Variants in KCNG3 observed in about 807,000 individuals in gnomAD.
KCNG3 encodes voltage-gated potassium channel regulatory subunit KCNG3.
A neutral mutation model predicts 29.0 loss-of-function variants in KCNG3; 15 were observed. The ratio of observed to expected loss-of-function variants is 0.52; its 90% CI spans 0.35 to 0.80. The LOEUF (loss-of-function observed/expected upper bound fraction) is 0.80. KCNG3 is among the 30% of genes least tolerant of loss of function. The pLI is 0.01. For synonymous variants in KCNG3, 322 were observed against 248.9 expected, an observed-to-expected ratio of 1.29 and a Z score of -2.76; for missense variants, 512 against 605.7, an observed-to-expected ratio of 0.85 and a Z score of 1.62.
the KCNG3 span, among the ~76,000 whole-genome samples, chr2:42,421,148 AC>A: frequency 6.6e-6 from 1 of 152,256 alleles, no homozygotes; most frequent in African/African-American, 2.4e-5. Context: ...GGGAAAAAGC[AC>A]AAAAGGAAAT....
downstream of KCNG3, among the ~76,000 whole-genome samples, chr2:42,440,130 C>A (rs531285711): frequency 6.6e-6 from 1 of 152,064 alleles, no homozygotes; most frequent in Non-Finnish European, 1.5e-5. Context: ...ATATTTGGAT[C>A]GGACAAAAGG....
intron 1 of KCNG3, among the ~76,000 whole-genome samples, chr2:42,473,794 A>T (rs746454759): frequency 6.6e-6 from 1 of 152,144 alleles, no homozygotes; most frequent in Non-Finnish European, 1.5e-5. Context: ...TTCAACACTT[A>T]TATTAGAAAA....
At chr2:42,411,087 T>C in the KCNG3 span, among the ~76,000 whole-genome samples, 1 of 152,220 alleles carries the variant, frequency 6.6e-6, no homozygotes, top group African/African-American at 2.4e-5. Flanking sequence ...TTAACATATA[T>C]AGATATTTTC....
At chr2:42,431,029 C>T in the KCNG3 span, among the ~76,000 whole-genome samples, 1 of 151,156 alleles carries the variant, frequency 6.6e-6, no homozygotes, top group Non-Finnish European at 1.5e-5. Flanking sequence ...TCACTTGAAC[C>T]CAGGAGGCAG....
the KCNG3 span, chr2:42,388,437 G>T: frequency 1.3e-5 from 2 of 152,164 alleles, no homozygotes; most frequent in South Asian, 4.1e-4. Context: ...ACAAGAAAAT[G>T]TACATACTCA....
At chr2:42,427,007 T>C in the KCNG3 span, among the ~76,000 whole-genome samples, 2 of 152,228 alleles carry the variant, frequency 1.3e-5, no homozygotes, top group South Asian at 2.1e-4. Context: ...TAATATATTT[T>C]ACCCATAACT....
chr2:42,395,546 TG>T, the KCNG3 span, among the ~76,000 whole-genome samples: 5 of 152,210 alleles, frequency 3.3e-5, no homozygotes, highest in Non-Finnish European at 7.3e-5. Flanking sequence ...TAATGATGTC[TG>T]TGTTGGACAA....
chr2:42,463,638 C>T (rs903526982), intron 1 of KCNG3: 2 of 177,166 alleles, frequency 1.1e-5, no homozygotes, highest in African/African-American at 4.8e-5. Flanking sequence ...TTGATATGCT[C>T]CTGCCTATAG....
Position 42,483,723 on chromosome 2 carries a change from G to A in KCNG3, c.665+9114C>T, listed in dbSNP as rs115724552. On this transcript the variant is annotated intron_variant, in intron 1 of 1. Transcript: ENST00000306078. The stretch of plus-strand genomic sequence containing the variant: ...ATTAAATGAATTATGGCACATCCAT[G>A]CAGTGGAATGCTATACAAATATTTA... Among the ~76,000 whole-genome samples the A allele has an allele frequency of 8.1e-3, 1,237 of 152,270 alleles. 4 individuals carry two copies. Among genetic ancestry groups the A allele is most frequent in the Non-Finnish European group, 0.013 (898 of 68,026 alleles).
intron 1 of KCNG3, among the ~76,000 whole-genome samples, chr2:42,490,199 T>A (rs1416260850): frequency 6.6e-6 from 1 of 152,176 alleles, no homozygotes; most frequent in Non-Finnish European, 1.5e-5. Context: ...CGATGTTCCT[T>A]TTATCTTAAA....
chr2:42,446,964 G>T (rs923742965), intron 1 of KCNG3, among the ~76,000 whole-genome samples: 1 of 151,610 alleles, frequency 6.6e-6, no homozygotes, highest in Non-Finnish European at 1.5e-5. Context: ...AACATAGTGA[G>T]GCCTCCTCTC....
intron 1 of KCNG3, among the ~76,000 whole-genome samples, chr2:42,472,825 T>C (rs1673321685): frequency 6.7e-6 from 1 of 149,038 alleles, no homozygotes; most frequent in African/African-American, 2.4e-5. Flanking sequence ...TATATCTAGA[T>C]ATCTATATAT....
intron 1 of KCNG3, among the ~76,000 whole-genome samples, chr2:42,476,440 G>A (rs1279617114): frequency 1.3e-5 from 2 of 151,870 alleles, no homozygotes; most frequent in Middle Eastern, 3.2e-3. Flanking sequence ...TCATGCCACT[G>A]TAATCCAGCC....
rs374126115 is a variant in KCNG3, at chr2:42,444,645, C to A, written c.666-66G>T. ...AAGCATTTTAATAGCTCTTAGATTT[C>A]TTCAGATAGTACTACACTGACATAC... is the stretch of plus-strand genomic sequence containing the variant. On this transcript the variant is annotated intron_variant, in intron 1 of 1. Coordinates refer to ENST00000306078, the MANE Select transcript of KCNG3 (RefSeq NM_133329.6). This position sits in a 1 kb window ranked among gnomAD's most constrained non-coding sequence, Gnocchi z 5.8. 311 of 1,403,306 alleles carry A rather than the reference C, an allele frequency of 2.2e-4. 2 individuals are homozygous for A. In the Middle Eastern group the frequency reaches 3.1e-3, roughly 14 times the overall value. The allele number at this position is 1,403,306 out of a possible 1,614,324, so 86.9% of individuals were successfully genotyped here.
chr2:42,453,029 G>A (rs1191493400), intron 1 of KCNG3, among the ~76,000 whole-genome samples: 1 of 152,218 alleles, frequency 6.6e-6, no homozygotes, highest in African/African-American at 2.4e-5. Context: ...CAATCTGCCT[G>A]CCTCAGCCTC....
At chr2:42,476,198 G>A (rs977414416) in intron 1 of KCNG3, among the ~76,000 whole-genome samples, 19 of 151,952 alleles carry the variant, frequency 1.3e-4, no homozygotes, top group African/African-American at 4.6e-4. Flanking sequence ...CAGGCCGGGC[G>A]CAGTGACTCA....
the KCNG3 span, among the ~76,000 whole-genome samples, chr2:42,391,375 G>C: frequency 6.6e-6 from 1 of 152,094 alleles, no homozygotes; most frequent in African/African-American, 2.4e-5. Flanking sequence ...ACTAGCATGA[G>C]CTCAAACTCT....
intron 1 of KCNG3, among the ~76,000 whole-genome samples, chr2:42,447,194 T>A (rs1486873723): frequency 2.6e-5 from 4 of 151,600 alleles, no homozygotes; most frequent in African/African-American, 9.7e-5. Context: ...TTCTTATGCA[T>A]CCTTCCAGAG....
chr2:42,439,695 G>A (rs546683803), downstream of KCNG3, among the ~76,000 whole-genome samples: 1 of 150,962 alleles, frequency 6.6e-6, no homozygotes, highest in Non-Finnish European at 1.5e-5. Context: ...CACCCAGGGT[G>A]GAGTGCAAAG....
Sources: gnomAD v4.1 joint callset for allele counts (sites outside exome capture counted in the v4.1 genomes callset) on GRCh38, gnomAD v4.1.1 for gene constraint, Gnocchi (gnomAD v3.1) non-coding constraint, MANE v1.5 for transcripts, NCBI Gene and HGNC (gene_info 2026-07-23, HGNC 2026-07-21) for gene names.